DCAF8L2: variants seen among roughly 807,000 people sequenced by gnomAD.
DCAF8L2 encodes the protein DDB1- and CUL4-associated factor 8-like protein 2.
For synonymous variants in DCAF8L2, 200 were observed against 190.9 expected, an observed-to-expected ratio of 1.05 and a Z score of -0.39; for missense variants, 430 against 490.7, an observed-to-expected ratio of 0.88 and a Z score of 1.17.
chrX:27,718,065 A>C (rs1478053631), intron 4 of DCAF8L2, among the ~76,000 whole-genome samples: 2 of 112,096 alleles, frequency 1.8e-5, no homozygotes, highest in Admixed American at 9.5e-5. Context: ...TAAAACCAAC[A>C]CATATTAAGT....
the DCAF8L2 span, among the ~76,000 whole-genome samples, chrX:27,530,985 G>A: frequency 9.0e-6 from 1 of 111,217 alleles, no homozygotes; most frequent in South Asian, 3.8e-4. Context: ...GCCATGTATC[G>A]TAAACAAGAA....
chrX:27,541,160 A>G, the DCAF8L2 span, among the ~76,000 whole-genome samples: 5 of 111,272 alleles, frequency 4.5e-5, no homozygotes, highest in African/African-American at 1.6e-4. Flanking sequence ...TTCAGAATGA[A>G]GACCCAAAGG....
the DCAF8L2 span, among the ~76,000 whole-genome samples, chrX:27,579,546 T>A: frequency 9.2e-6 from 1 of 108,455 alleles, no homozygotes; most frequent in East Asian, 2.9e-4. Flanking sequence ...CCTGCACATG[T>A]ACCCCAGAAC....
the DCAF8L2 span, among the ~76,000 whole-genome samples, chrX:27,585,038 T>C: frequency 1.1e-5 from 1 of 90,549 alleles, no homozygotes; most frequent in Admixed American, 1.1e-4. Flanking sequence ...GTGAACTTTA[T>C]GAAAAACAAT....
At chrX:27,540,187 G>A in the DCAF8L2 span, among the ~76,000 whole-genome samples, 2 of 111,468 alleles carry the variant, frequency 1.8e-5, no homozygotes, top group African/African-American at 6.5e-5. Context: ...CTGCAGTTGG[G>A]ATATTTTATA....
chrX:27,480,933 C>A, the DCAF8L2 span, among the ~76,000 whole-genome samples: 3 of 111,845 alleles, frequency 2.7e-5, no homozygotes, highest in Non-Finnish European at 5.6e-5. Context: ...TGTGGTTAGA[C>A]AAACAAGAGA....
At chrX:27,504,992 C>T in the DCAF8L2 span, among the ~76,000 whole-genome samples, 1 of 111,425 alleles carries the variant, frequency 9.0e-6, no homozygotes, top group South Asian at 3.8e-4. Flanking sequence ...AGGCTTCTAC[C>T]TCTGCCCAGT....
At chrX:27,535,064 A>G in the DCAF8L2 span, among the ~76,000 whole-genome samples, 15 of 112,347 alleles carry the variant, frequency 1.3e-4, no homozygotes, top group Non-Finnish European at 2.8e-4. Context: ...TAAACTCTCT[A>G]GTCTTTACAC....
In DCAF8L2 at chrX:27,625,505, T is replaced by C. The variant is rs1264575141; in HGVS notation, c.-341-6374T>C. On this transcript the variant is annotated intron_variant, in intron 1 of 4. Transcript: ENST00000451261. ...ACCATTTGACCCAGCTATCTGATTA[T>C]TGAGTATGTACCCAAAGGAATATAA... 2.7e-5 allele frequency among the ~76,000 whole-genome samples: 3 copies of C among 112,122 alleles called. No individual in the cohort carries two copies. The East Asian group carries it at 8.4e-4, about 32-fold the overall frequency.
upstream of DCAF8L2, among the ~76,000 whole-genome samples, chrX:27,589,518 A>G (rs1367894722): frequency 1.9e-5 from 2 of 107,312 alleles, no homozygotes; most frequent in East Asian, 5.6e-4. Context: ...GCTTCATACC[A>G]TCTTATATAT....
chrX:27,645,293 CA>C (rs1928895538), intron 2 of DCAF8L2, among the ~76,000 whole-genome samples: 1 of 111,821 alleles, frequency 8.9e-6, no homozygotes, highest in South Asian at 3.7e-4. Context: ...CATAATTCAT[CA>C]CATAAACAGA....
At chrX:27,649,335 T>C (rs998205128) in intron 2 of DCAF8L2, among the ~76,000 whole-genome samples, 6 of 112,258 alleles carry the variant, frequency 5.3e-5, no homozygotes, top group Non-Finnish European at 7.5e-5. Flanking sequence ...TGTAATGAGA[T>C]TGATGAGTCA....
intron 3 of DCAF8L2, among the ~76,000 whole-genome samples, chrX:27,712,142 G>C (rs996012023): frequency 9.0e-6 from 1 of 111,233 alleles, no homozygotes; most frequent in Admixed American, 9.6e-5. Context: ...CCAAGAACCG[G>C]ATTTTGGCAT....
In DCAF8L2 at chrX:27,603,224, A is replaced by G. The variant is rs770900803; in HGVS notation, c.-342+12784A>G. On this transcript the variant is annotated intron_variant, in intron 1 of 4. Transcript: ENST00000451261. ...TGGACATTTTTATTACCGTACATGTATTATTTCATATATTTTCTATTGGAG... is the reference window on the plus strand; with the variant it reads ...TGGACATTTTTATTACCGTACATGTGTTATTTCATATATTTTCTATTGGAG... Among the ~76,000 whole-genome samples the G allele has an allele frequency of 8.1e-5, 9 of 111,590 alleles. No homozygotes were observed. The South Asian group carries it at 3.4e-3, about 42-fold the overall frequency.
At chrX:27,736,791 T>C (rs1036733386) in intron 4 of DCAF8L2, among the ~76,000 whole-genome samples, 2 of 111,518 alleles carry the variant, frequency 1.8e-5, no homozygotes, top group Admixed American at 9.6e-5. Context: ...CTCTGAGACC[T>C]TTTTAGTGGC....
At chrX:27,618,603 A>T (rs760329889) in intron 1 of DCAF8L2, among the ~76,000 whole-genome samples, 1 of 111,224 alleles carries the variant, frequency 9.0e-6, no homozygotes, top group Non-Finnish European at 1.9e-5. Context: ...CTTTGTACTA[A>T]TTACAAAAGA....
intron 3 of DCAF8L2, among the ~76,000 whole-genome samples, chrX:27,695,603 T>C (rs1393697729): frequency 9.0e-6 from 1 of 111,404 alleles, no homozygotes; most frequent in Non-Finnish European, 1.9e-5. Flanking sequence ...CTTCTCAAAA[T>C]AAAACGTTTA....
At chrX:27,612,488 G>GT (rs1421320822) in intron 1 of DCAF8L2, among the ~76,000 whole-genome samples, 1 of 111,839 alleles carries the variant, frequency 8.9e-6, no homozygotes, top group Admixed American at 9.5e-5. Flanking sequence ...TGTTGCCATT[G>GT]TTTTTTGTGT....
At chrX:27,518,894 A>C in the DCAF8L2 span, 2 of 563,746 alleles carry the variant, frequency 3.5e-6, no homozygotes, top group Non-Finnish European at 6.4e-6. Context: ...GAAATCAGAA[A>C]TATTTCATTT....
Sources: gnomAD v4.1 joint callset for allele counts (sites outside exome capture counted in the v4.1 genomes callset) on GRCh38, gnomAD v4.1.1 for gene constraint, MANE v1.5 for transcripts, NCBI Gene and HGNC (gene_info 2026-07-23, HGNC 2026-07-21) for gene names.